The following NR1D2 variants were observed in gnomAD, a reference collection of about 807,000 sequenced individuals.
NR1D2 encodes the protein nuclear receptor subfamily 1 group D member 2.
NR1D2 carries 25 observed loss-of-function variants against 52.2 expected under a neutral mutation model. That is an observed-to-expected ratio of 0.48 (90% CI 0.35 to 0.67). The LOEUF (loss-of-function observed/expected upper bound fraction) is 0.67, where lower values mean the gene tolerates loss of function less well. Ranked by LOEUF, NR1D2 falls within the 30% of genes least tolerant of loss-of-function variation. NR1D2 has a pLI of 0.01. For synonymous variants in NR1D2, 259 were observed against 230.1 expected (o/e 1.13, Z -1.14); for missense variants, 681 against 707.2 (o/e 0.96, Z 0.42).
intron 1 of NR1D2, chr3:23,946,070 C>G: frequency 7.1e-6 from 7 of 983,640 alleles, no homozygotes; most frequent in South Asian, 9.4e-5. Flanking sequence ...CGCAGCCTCC[C>G]GGGAGGCTCC....
rs11457044 is a variant in NR1D2 at position 23,971,303 on chromosome 3, A to ATTT, written c.1543+3298_1543+3300dup. On this transcript the variant is annotated intron_variant, in intron 7 of 7. Transcript: ENST00000312521. ...ATATAATGCTTATATCTCTATACCT[A>ATTT]TTTTTTTTTTTTTTTTTTTTGAGAC... 4.7e-3 allele frequency among the ~76,000 whole-genome samples: 576 copies of ATTT among 123,070 alleles called. 40 individuals carry two copies. The highest frequency in any genetic ancestry group is 0.017 in the African/African-American group (532 of 31,028). The allele number at this position is 123,070 out of a possible 152,430, so 80.7% of individuals were successfully genotyped here.
chr3:23,950,026 A>G (rs1372251218), intron 1 of NR1D2, among the ~76,000 whole-genome samples: 1 of 152,200 alleles, frequency 6.6e-6, no homozygotes, highest in African/African-American at 2.4e-5. Context: ...AAAATAGAGA[A>G]GACTGCTTCA....
At chr3:23,946,302 G>A (rs1705705952) in intron 1 of NR1D2, 1 of 985,468 alleles carries the variant, frequency 1.0e-6, no homozygotes, top group Admixed American at 6.1e-5. Context: ...CCGGCGCCTG[G>A]GGAGGCTGGT....
chr3:23,953,855 A>T (rs1706011451), intron 1 of NR1D2, among the ~76,000 whole-genome samples: 1 of 152,238 alleles, frequency 6.6e-6, no homozygotes, highest in Non-Finnish European at 1.5e-5. Flanking sequence ...GACCAGAACC[A>T]GATTTCTTCA....
At chr3:23,952,797 C>G (rs1330111532) in intron 1 of NR1D2, among the ~76,000 whole-genome samples, 2 of 151,650 alleles carry the variant, frequency 1.3e-5, no homozygotes, top group Non-Finnish European at 2.9e-5. Flanking sequence ...CCTGTTTTAT[C>G]TTCCCTTCTG....
At chr3:23,951,055 G>T (rs557980652) in intron 1 of NR1D2, among the ~76,000 whole-genome samples, 1 of 151,788 alleles carries the variant, frequency 6.6e-6, no homozygotes, top group East Asian at 1.9e-4. Flanking sequence ...ACAGGCATGC[G>T]CCACCACACC....
chr3:23,977,120 GCTTT>G, intron 7 of NR1D2, 99 bp from the exon 8 acceptor site: 1 of 620,246 alleles, frequency 1.6e-6, no homozygotes, highest in Non-Finnish European at 2.5e-6. Context: ...ATAAAACCTT[GCTTT>G]CTATTCGTTA....
At chr3:23,965,510 A>G (rs1164601348) in intron 6 of NR1D2, among the ~76,000 whole-genome samples, 1 of 151,568 alleles carries the variant, frequency 6.6e-6, no homozygotes, top group Non-Finnish European at 1.5e-5. Flanking sequence ...GGCCTCCTAA[A>G]GTGCTGGGAT....
chr3:23,970,911 A>G (rs1706571828), intron 7 of NR1D2, among the ~76,000 whole-genome samples: 1 of 152,016 alleles, frequency 6.6e-6, no homozygotes, highest in African/African-American at 2.4e-5. Flanking sequence ...CCTCCTGAGT[A>G]GCTGGGATTA....
At chr3:23,970,759 T>TTTG (rs915727209) in intron 7 of NR1D2, among the ~76,000 whole-genome samples, 3 of 152,082 alleles carry the variant, frequency 2.0e-5, no homozygotes, top group African/African-American at 2.4e-5. Context: ...CTAGCTGTTT[T>TTTG]TTGTTGTTGT....
At chr3:23,973,009 C>A (rs1346086265) in intron 7 of NR1D2, among the ~76,000 whole-genome samples, 6 of 152,176 alleles carry the variant, frequency 3.9e-5, no homozygotes, top group Admixed American at 6.5e-5. Flanking sequence ...AGACCAACAA[C>A]TTCAAACATT....
chr3:23,955,973 A>C (rs1706071663), intron 2 of NR1D2, 64 bp from the exon 3 acceptor site: 2 of 1,143,874 alleles, frequency 1.7e-6, no homozygotes. Context: ...AAAATATCTA[A>C]TTGGAAAGAA....
chr3:23,978,761 G>A lies in NR1D2; in HGVS notation c.*1342G>A, dbSNP rs1706806056. On this transcript the variant is annotated 3_prime_UTR_variant, in exon 8 of 8. Coordinates refer to ENST00000312521, the MANE Select transcript of NR1D2 (RefSeq NM_005126.5). ...TCTTTTTTCCTAAATAACACTACAG[G>A]GATTTTGTCATATTAGATTTAATTT... 2 of 151,678 alleles carry A rather than the reference G, an allele frequency of 1.3e-5. No individual in the cohort carries two copies. The highest frequency in any genetic ancestry group is 1.3e-4 in the Admixed American group (2 of 15,202). The allele number at this position is 151,678 out of a possible 1,614,324, so 9.4% of individuals were successfully genotyped here.
intron 1 of NR1D2, chr3:23,946,047 T>G: frequency 2.1e-6 from 2 of 953,274 alleles, no homozygotes; most frequent in Non-Finnish European, 2.5e-6. Flanking sequence ...GCGCGCGCGC[T>G]GGCTGGGAGC....
At position 23,948,889 on chromosome 3, in the gene NR1D2, A is replaced by C. The variant is rs144473303; in HGVS notation, c.16+3295A>C. ...AGATACTGCATGTGTATGGATCCCC[A>C]CTCAATTTGCAGTGATATATGTAGG... is the stretch of plus-strand genomic sequence containing the variant. On this transcript the variant is annotated intron_variant, in intron 1 of 7. Coordinates refer to ENST00000312521, the MANE Select transcript of NR1D2 (RefSeq NM_005126.5). Among the ~76,000 whole-genome samples the C allele has an allele frequency of 2.3e-4, 35 of 152,282 alleles. 1 individual carries two copies. The East Asian group carries it at 6.2e-3, about 27-fold the overall frequency.
Position 23,945,404 on chromosome 3 carries a change from C to T in NR1D2, c.-175C>T, listed in dbSNP as rs536068754. 176 of 191,874 alleles carry T rather than the reference C, an allele frequency of 9.2e-4. 5 individuals carry two copies. In the East Asian group the frequency reaches 0.023, roughly 25 times the overall value. 11.9% of individuals were successfully genotyped at this position (191,874 alleles called of 1,614,324 possible). Reference sequence around the variant, plus strand: ...CGGCCGCCGCCACCCTCTCTCGCTGCAGCCTGCTGTGCGCTGCACGGCCTG... The same window carrying T: ...CGGCCGCCGCCACCCTCTCTCGCTGTAGCCTGCTGTGCGCTGCACGGCCTG... On this transcript the variant is annotated 5_prime_UTR_variant, in exon 1 of 8. Transcript: ENST00000312521.
chr3:23,960,406 A>G (rs924202995), intron 4 of NR1D2, among the ~76,000 whole-genome samples: 6 of 151,306 alleles, frequency 4.0e-5, no homozygotes, highest in South Asian at 2.2e-4. Flanking sequence ...CTCTGTCTCA[A>G]TGTAGCCTCT....
intron 1 of NR1D2, among the ~76,000 whole-genome samples, chr3:23,954,113 G>A (rs1240999652): frequency 1.3e-5 from 2 of 152,118 alleles, no homozygotes; most frequent in African/African-American, 2.4e-5. Context: ...TGATCCTCTC[G>A]CTTTAGCCTT....
intron 1 of NR1D2, among the ~76,000 whole-genome samples, chr3:23,951,421 T>C (rs1335008487): frequency 6.6e-6 from 1 of 152,220 alleles, no homozygotes; most frequent in Non-Finnish European, 1.5e-5. Flanking sequence ...TGGAATTTCA[T>C]TGAGGACTAA....
Sources: allele counts gnomAD v4.1 joint callset (sites outside exome capture counted in the v4.1 genomes callset), GRCh38; gene constraint gnomAD v4.1.1; transcripts MANE v1.5; gene names NCBI Gene and HGNC (gene_info 2026-07-23, HGNC 2026-07-21).